PRKCB: variants seen among roughly 807,000 people sequenced by gnomAD.
The protein encoded by PRKCB is protein kinase C beta.
In PRKCB, 13 loss-of-function variants were observed where a neutral mutation model predicts 81.5. The ratio of observed to expected loss-of-function variants is 0.16; its 90% CI spans 0.10 to 0.25. The LOEUF (loss-of-function observed/expected upper bound fraction) is 0.25, where lower values mean the gene tolerates loss of function less well. Among genes scored for constraint, PRKCB ranks in the 10% least tolerant of loss-of-function variants. The pLI is 1.00. For synonymous variants in PRKCB, 335 were observed against 321.4 expected (o/e 1.04, Z -0.45); for missense variants, 509 against 875.7 (o/e 0.58, Z 5.29).
At chr16:24,045,423 T>A (rs1965751846) in intron 5 of PRKCB, among the ~76,000 whole-genome samples, 1 of 152,176 alleles carries the variant, frequency 6.6e-6, no homozygotes, top group African/African-American at 2.4e-5. Context: ...GCTGGCATCA[T>A]CCTTGCTGAG....
Position 24,180,946 on chromosome 16 carries a change from C to T in PRKCB, c.1533+18C>T. On this transcript the variant is annotated intron_variant, in intron 13 of 16. Coordinates refer to ENST00000643927, the MANE Select transcript of PRKCB (RefSeq NM_002738.7). ...CCCCCGAGGTGAGAGCTGCTGGGCACACGTTCACATTGCGGTGATGTACCC... is the reference window on the plus strand; with the variant it reads ...CCCCCGAGGTGAGAGCTGCTGGGCATACGTTCACATTGCGGTGATGTACCC... The T allele has an allele frequency of 6.2e-7, 1 of 1,612,720 alleles. No individual in the cohort carries two copies. Among genetic ancestry groups the T allele is most frequent in the Non-Finnish European group, 8.5e-7 (1 of 1,179,126 alleles).
At chr16:24,143,431 C>T (rs549147303) in intron 9 of PRKCB, among the ~76,000 whole-genome samples, 6 of 151,956 alleles carry the variant, frequency 3.9e-5, no homozygotes, top group South Asian at 2.1e-4. Flanking sequence ...CGTGCCCGGC[C>T]GAGATAGGAT....
At chr16:24,073,214 A>C (rs181742620) in intron 5 of PRKCB, among the ~76,000 whole-genome samples, 32 of 152,270 alleles carry the variant, frequency 2.1e-4, no homozygotes, top group African/African-American at 6.7e-4. Context: ...AAATATTTTG[A>C]CTATCAGCCC....
chr16:24,007,298 A>T (rs976074060), intron 3 of PRKCB, among the ~76,000 whole-genome samples: 3 of 152,182 alleles, frequency 2.0e-5, no homozygotes, highest in African/African-American at 7.2e-5. Context: ...TGATCCTTTC[A>T]AGTCTTAGAT....
At chr16:24,150,678 A>G (rs1314616651) in intron 9 of PRKCB, among the ~76,000 whole-genome samples, 3 of 152,248 alleles carry the variant, frequency 2.0e-5, no homozygotes, top group Non-Finnish European at 2.9e-5. Flanking sequence ...AACAAGGGTC[A>G]GCAAACTATT....
chr16:24,016,898 C>A (rs971435974), intron 3 of PRKCB, among the ~76,000 whole-genome samples: 1 of 152,182 alleles, frequency 6.6e-6, no homozygotes, highest in African/African-American at 2.4e-5. Flanking sequence ...ACTGACCCAA[C>A]CTTGGTCTAT....
At chr16:24,185,711 G>A in intron 15 of PRKCB, 144 bp downstream of exon 15, 1 of 682,638 alleles carries the variant, frequency 1.5e-6, no homozygotes, top group Non-Finnish European at 2.5e-6. Context: ...CCCTGATGTG[G>A]AGCTGCTACC....
chr16:24,175,269 G>A (rs1033566051), intron 12 of PRKCB, among the ~76,000 whole-genome samples: 2 of 152,068 alleles, frequency 1.3e-5, no homozygotes, highest in African/African-American at 4.8e-5. Flanking sequence ...AAGGTATGAG[G>A]CCTCCAAATA....
At chr16:24,052,856 C>T (rs1965859787) in intron 5 of PRKCB, among the ~76,000 whole-genome samples, 1 of 152,174 alleles carries the variant, frequency 6.6e-6, no homozygotes, top group African/African-American at 2.4e-5. Context: ...CATTCAGTGA[C>T]TTAGAATCCC....
intron 2 of PRKCB, chr16:23,893,183 G>GGA (rs1355784923): frequency 6.6e-6 from 1 of 152,220 alleles, no homozygotes. Context: ...AAAGGGAGAA[G>GGA]TAAGAAGGAA....
At chr16:24,184,650 A>G (rs1203417464) in intron 13 of PRKCB, among the ~76,000 whole-genome samples, 1 of 152,200 alleles carries the variant, frequency 6.6e-6, no homozygotes, top group Non-Finnish European at 1.5e-5. Flanking sequence ...CAGCTGAGCT[A>G]TCTTTTATAA....
chr16:24,048,414 G>A (rs1477724917), intron 5 of PRKCB, among the ~76,000 whole-genome samples: 1 of 152,114 alleles, frequency 6.6e-6, no homozygotes, highest in Non-Finnish European at 1.5e-5. Flanking sequence ...GTCTTATCCT[G>A]GCACTAAGTA....
At chr16:24,035,660 G>A (rs2141857595) in intron 5 of PRKCB, 113 bp downstream of exon 5, 2 of 890,432 alleles carry the variant, frequency 2.2e-6, no homozygotes, top group Non-Finnish European at 1.6e-6. Context: ...GCAGTCCAGG[G>A]ACGGGGAGGG....
chr16:23,982,162 C>T (rs1244018589), intron 2 of PRKCB, among the ~76,000 whole-genome samples: 6 of 26,154 alleles, frequency 2.3e-4, no homozygotes, highest in African/African-American at 9.2e-4. Context: ...TTCCCCTTCC[C>T]TTTCCCTTCC....
chr16:23,909,406 C>G (rs1251364106), intron 2 of PRKCB, among the ~76,000 whole-genome samples: 1 of 152,164 alleles, frequency 6.6e-6, no homozygotes, highest in Non-Finnish European at 1.5e-5. Context: ...TATAGATAAC[C>G]TCTTTCTCCT....
chr16:24,040,910 G>A (rs1965689049), intron 5 of PRKCB, among the ~76,000 whole-genome samples: 1 of 152,176 alleles, frequency 6.6e-6, no homozygotes, highest in South Asian at 2.1e-4. Flanking sequence ...ACATGGAGCA[G>A]TGGGATTTGT....
intron 2 of PRKCB, among the ~76,000 whole-genome samples, chr16:23,933,544 G>C (rs1964007711): frequency 6.6e-6 from 1 of 152,038 alleles, no homozygotes; most frequent in Admixed American, 6.5e-5. Flanking sequence ...TTTTAAATCA[G>C]AAAATTAACA....
intron 5 of PRKCB, among the ~76,000 whole-genome samples, chr16:24,058,271 GTTTA>G (rs1965929689): frequency 6.6e-6 from 1 of 152,078 alleles, no homozygotes. Context: ...GTTTGCATTT[GTTTA>G]TTTATTTGCT....
chr16:23,879,883 T>C (rs1235478857), intron 2 of PRKCB, among the ~76,000 whole-genome samples: 2 of 152,210 alleles, frequency 1.3e-5, no homozygotes, highest in Non-Finnish European at 2.9e-5. Flanking sequence ...ATCCTAGCTC[T>C]GCTGTTTTTT....
Sources: allele counts gnomAD v4.1 joint callset (sites outside exome capture counted in the v4.1 genomes callset), GRCh38; gene constraint gnomAD v4.1.1; transcripts MANE v1.5; gene names NCBI Gene and HGNC (gene_info 2026-07-23, HGNC 2026-07-21).